Variants in CNTN5 observed in about 807,000 individuals in gnomAD.
CNTN5 encodes contactin-5.
In CNTN5, 77 loss-of-function variants were observed where a neutral mutation model predicts 129.1. The observed-to-expected ratio is 0.60, with a 90% CI of 0.50 to 0.72. The LOEUF (loss-of-function observed/expected upper bound fraction) is 0.72. Among genes scored for constraint, CNTN5 ranks in the 30% least tolerant of loss-of-function variants. CNTN5 has a pLI of 0.00. For missense variants in CNTN5, 1,478 were observed against 1,328.8 expected, an observed-to-expected ratio of 1.11 and a Z score of -1.75; for synonymous variants, 509 against 465.6, an observed-to-expected ratio of 1.09 and a Z score of -1.20.
chr11:100,239,941 C>T (rs553432810), intron 16 of CNTN5, among the ~76,000 whole-genome samples: 1 of 152,288 alleles, frequency 6.6e-6, no homozygotes, highest in African/African-American at 2.4e-5. Flanking sequence ...GTTATTGATT[C>T]ATATAATTAT....
chr11:99,947,717 G>T (rs1356491104), intron 7 of CNTN5, among the ~76,000 whole-genome samples: 2 of 152,038 alleles, frequency 1.3e-5, no homozygotes, highest in African/African-American at 4.8e-5. Context: ...ACTCTAGAGG[G>T]TTTTGTCCTC....
intron 1 of CNTN5, among the ~76,000 whole-genome samples, chr11:99,183,777 A>T (rs1475659810): frequency 6.6e-6 from 1 of 152,078 alleles, no homozygotes; most frequent in Admixed American, 6.6e-5. Context: ...CGTAAACTCC[A>T]CACCCATGTA....
chr11:100,069,529 C>T (rs1039119224), intron 10 of CNTN5, among the ~76,000 whole-genome samples: 1 of 152,070 alleles, frequency 6.6e-6, no homozygotes, highest in Admixed American at 6.6e-5. Flanking sequence ...CCACCTCTAC[C>T]GCAGCAAAAA....
At chr11:100,194,899 A>C (rs1445806161) in intron 15 of CNTN5, among the ~76,000 whole-genome samples, 1 of 149,426 alleles carries the variant, frequency 6.7e-6, no homozygotes, top group Non-Finnish European at 1.5e-5. Context: ...CTGGTTTACT[A>C]TCCAATTAAT....
chr11:99,600,676 T>C (rs1416380029), intron 3 of CNTN5, among the ~76,000 whole-genome samples: 2 of 152,174 alleles, frequency 1.3e-5, no homozygotes, highest in Non-Finnish European at 2.9e-5. Flanking sequence ...GGAAGATGGG[T>C]AGAAGCCAGT....
chr11:100,044,208 T>C (rs1942539915), intron 9 of CNTN5, among the ~76,000 whole-genome samples: 1 of 152,096 alleles, frequency 6.6e-6, no homozygotes, highest in South Asian at 2.1e-4. Flanking sequence ...TATAACATTT[T>C]CTTTAATTTC....
intron 1 of CNTN5, among the ~76,000 whole-genome samples, chr11:99,165,895 C>T (rs1565370394): frequency 2.0e-5 from 3 of 152,068 alleles, no homozygotes; most frequent in Non-Finnish European, 4.4e-5. Flanking sequence ...TGACTTAGAC[C>T]CGTCATCTGA....
chr11:99,534,931 G>T (rs1478013942), intron 2 of CNTN5, among the ~76,000 whole-genome samples: 3 of 152,116 alleles, frequency 2.0e-5, no homozygotes, highest in African/African-American at 7.2e-5. Flanking sequence ...TGTTGGAAAG[G>T]AGCTGGTTGT....
chr11:99,917,905 A>G (rs1284265446), intron 7 of CNTN5, among the ~76,000 whole-genome samples: 2 of 152,148 alleles, frequency 1.3e-5, no homozygotes, highest in South Asian at 2.1e-4. Flanking sequence ...ATATATGTAA[A>G]TTAAATGACT....
At position 99,815,027 on chromosome 11, in the gene CNTN5, C is replaced by A. The variant is rs986603542; in HGVS notation, c.56-4517C>A. 2.8e-5 allele frequency among the ~76,000 whole-genome samples: 4 copies of A among 144,658 alleles called. No homozygotes were observed. The East Asian group carries it at 5.8e-4, about 21-fold the overall frequency. The allele number at this position is 144,658 out of a possible 152,430, so 94.9% of individuals were successfully genotyped here. ...TCATGAGAACTCACTATCACAAGAA[C>A]AGCACGGGGGAAACTGCCCCCCTGA... On this transcript the variant is annotated intron_variant, in intron 3 of 24. Coordinates refer to ENST00000524871, the MANE Select transcript of CNTN5 (RefSeq NM_014361.4).
At chr11:99,485,020 C>G (rs907865010) in intron 2 of CNTN5, among the ~76,000 whole-genome samples, 1 of 152,006 alleles carries the variant, frequency 6.6e-6, no homozygotes, top group Non-Finnish European at 1.5e-5. Context: ...TGTAGGATGA[C>G]TATAGTTAAC....
At chr11:99,831,354 G>T in intron 4 of CNTN5, among the ~76,000 whole-genome samples, 1 of 152,106 alleles carries the variant, frequency 6.6e-6, no homozygotes, top group East Asian at 1.9e-4. Context: ...GTTGGCAAAA[G>T]GTCAGATGAA....
Position 99,314,716 on chromosome 11 carries a change from G to A in CNTN5, c.-209-10630G>A, listed in dbSNP as rs544933508. ...AGAATAGGGTAGGGAAAGGAGAAAGGGAGAGGGGAATAAGGAAAGGAAGAG... is the reference window on the plus strand; with the variant it reads ...AGAATAGGGTAGGGAAAGGAGAAAGAGAGAGGGGAATAAGGAAAGGAAGAG... On this transcript the variant is annotated intron_variant, in intron 1 of 24. Transcript: ENST00000524871. 1.9e-3 allele frequency among the ~76,000 whole-genome samples: 286 copies of A among 151,604 alleles called. 5 individuals carry two copies. The highest frequency in any genetic ancestry group is 7.5e-3 in the South Asian group (36 of 4,782).
chr11:99,970,983 G>A lies in CNTN5; in HGVS notation c.877+13974G>A, dbSNP rs530183867. On this transcript the variant is annotated intron_variant, in intron 8 of 24. Coordinates refer to ENST00000524871, the MANE Select transcript of CNTN5 (RefSeq NM_014361.4). ...TAGCTCTGTCTCCAAGAATGCAAAT[G>A]ATTTGCCAAAGATCATGAAATTAGT... is the stretch of plus-strand genomic sequence containing the variant. Among the ~76,000 whole-genome samples the A allele has an allele frequency of 4.9e-4, 74 of 152,126 alleles. 1 individual carries two copies. The highest frequency in any genetic ancestry group is 1.3e-3 in the Admixed American group (20 of 15,272).
At chr11:99,114,615 A>T (rs1392564130) in intron 1 of CNTN5, among the ~76,000 whole-genome samples, 1 of 152,188 alleles carries the variant, frequency 6.6e-6, no homozygotes, top group African/African-American at 2.4e-5. Flanking sequence ...TACTCGAATT[A>T]AAGGCATATC....
chr11:99,965,000 G>A (rs1439195278), intron 8 of CNTN5, among the ~76,000 whole-genome samples: 18 of 152,136 alleles, frequency 1.2e-4, no homozygotes, highest in South Asian at 6.2e-4. Context: ...TGGGATCGGT[G>A]GTGATATCCC....
chr11:100,230,213 A>C (rs1949460571), intron 16 of CNTN5, among the ~76,000 whole-genome samples: 1 of 152,222 alleles, frequency 6.6e-6, no homozygotes, highest in Non-Finnish European at 1.5e-5. Context: ...CTCTTAAAGA[A>C]AAGCTAATTT....
chr11:99,583,727 C>A (rs1046037074), intron 3 of CNTN5, among the ~76,000 whole-genome samples: 17 of 152,152 alleles, frequency 1.1e-4, no homozygotes, highest in African/African-American at 4.1e-4. Context: ...GTCTGTCACC[C>A]CTTTCTTTGA....
chr11:99,303,263 T>C (rs867300337), intron 1 of CNTN5, among the ~76,000 whole-genome samples: 1 of 151,892 alleles, frequency 6.6e-6, no homozygotes, highest in East Asian at 1.9e-4. Context: ...TATATGCATA[T>C]GTTGAAATAT....
Sources: gnomAD v4.1 joint callset for allele counts (sites outside exome capture counted in the v4.1 genomes callset) on GRCh38, gnomAD v4.1.1 for gene constraint, MANE v1.5 for transcripts, NCBI Gene and HGNC (gene_info 2026-07-23, HGNC 2026-07-21) for gene names.